Variants in BNC2 observed in about 807,000 individuals in gnomAD.
BNC2 encodes the protein basonuclin zinc finger protein 2, also known as zinc finger protein basonuclin-2.
BNC2 carries 20 observed loss-of-function variants against 76.3 expected under a neutral mutation model. The ratio of observed to expected loss-of-function variants is 0.26; its 90% CI spans 0.18 to 0.38. The LOEUF is 0.38. Ranked by LOEUF, BNC2 falls within the 10% of genes least tolerant of loss-of-function variation. The pLI, the probability that BNC2 is intolerant of heterozygous loss-of-function variation, is 1.00. For synonymous variants in BNC2, 582 were observed against 514.8 expected (o/e 1.13, Z -1.77); for missense variants, 1,382 against 1,399.8 (o/e 0.99, Z 0.20).
At chr9:16,617,027 G>C (rs1362035463) in intron 3 of BNC2, among the ~76,000 whole-genome samples, 1 of 152,132 alleles carries the variant, frequency 6.6e-6, no homozygotes, top group African/African-American at 2.4e-5. Flanking sequence ...AATTACAACA[G>C]GTAATTTGTG....
intron 5 of BNC2, among the ~76,000 whole-genome samples, chr9:16,548,406 T>TCTTCTTCG (rs34876908): frequency 7.0e-6 from 1 of 142,670 alleles, no homozygotes. Flanking sequence ...TTCTTCTTCG[T>TCTTCTTCG]TTTTTTTTTT....
chr9:16,738,233 G>T, intron 2 of BNC2, 127 bp downstream of exon 2: 1 of 1,039,226 alleles, frequency 9.6e-7, no homozygotes, highest in Non-Finnish European at 1.5e-6. Flanking sequence ...TTCATAGAAT[G>T]AGGATAAGTA....
intron 1 of BNC2, among the ~76,000 whole-genome samples, chr9:16,814,264 C>T (rs919443187): frequency 2.6e-5 from 4 of 152,182 alleles, no homozygotes; most frequent in Non-Finnish European, 5.9e-5. Flanking sequence ...TGGGCCAGCA[C>T]GTGAGTGCAC....
Position 16,870,654 on chromosome 9 carries a change from C to G in BNC2, c.-6G>C. On this transcript the variant is annotated 5_prime_UTR_variant, in exon 1 of 7. It removes an upstream start codon present in the reference 5' UTR. Transcript: ENST00000380672. ...GGGTGGAAACTTCTTACCATCTCGG[C>G]ATGCTGGTTGTCAAGTGCAGCCCCC... is the stretch of plus-strand genomic sequence containing the variant. 6.2e-7 allele frequency: 1 copy of G among 1,611,084 alleles called. No individual in the cohort carries two copies. The highest frequency in any genetic ancestry group is 1.1e-5 in the South Asian group (1 of 90,722).
At chr9:16,547,445 CT>C (rs1345117851) in intron 5 of BNC2, among the ~76,000 whole-genome samples, 1 of 152,234 alleles carries the variant, frequency 6.6e-6, no homozygotes, top group East Asian at 1.9e-4. Context: ...ACAGGTTTCC[CT>C]AGCCATTCAC....
chr9:16,539,819 G>GAAAGA (rs1818262807), intron 5 of BNC2, among the ~76,000 whole-genome samples: 1 of 148,596 alleles, frequency 6.7e-6, no homozygotes. Flanking sequence ...GAAAGGAAAG[G>GAAAGA]AAAGGAAAGG....
At chr9:16,845,993 CA>C (rs902745215) in intron 1 of BNC2, among the ~76,000 whole-genome samples, 3 of 151,694 alleles carry the variant, frequency 2.0e-5, no homozygotes, top group East Asian at 2.0e-4. Flanking sequence ...ACTAAAAATA[CA>C]AAAAAATTAG....
chr9:16,447,705 A>G (rs2091030120), intron 5 of BNC2, among the ~76,000 whole-genome samples: 1 of 152,058 alleles, frequency 6.6e-6, no homozygotes, highest in Non-Finnish European at 1.5e-5. Flanking sequence ...AAACTAAGGA[A>G]ACTGCCCAAA....
chr9:16,774,829 C>A (rs1158683158), intron 1 of BNC2, among the ~76,000 whole-genome samples: 1 of 152,172 alleles, frequency 6.6e-6, no homozygotes, highest in South Asian at 2.1e-4. Context: ...GTGCTTTAAG[C>A]CTCTGGATGC....
intron 1 of BNC2, among the ~76,000 whole-genome samples, chr9:16,862,858 G>A (rs369763249): frequency 5.3e-5 from 8 of 151,726 alleles, no homozygotes; most frequent in African/African-American, 1.7e-4. Context: ...CTGTGGGAAG[G>A]TCACCAGCCT....
At chr9:16,723,386 C>T (rs536760943) in intron 3 of BNC2, among the ~76,000 whole-genome samples, 52 of 151,938 alleles carry the variant, frequency 3.4e-4, no homozygotes, top group African/African-American at 8.9e-4. Flanking sequence ...AATAAAAATG[C>T]GTTGTATGAA....
intron 3 of BNC2, among the ~76,000 whole-genome samples, chr9:16,620,254 T>G (rs1419586718): frequency 6.6e-6 from 1 of 152,170 alleles, no homozygotes; most frequent in African/African-American, 2.4e-5. Flanking sequence ...GGTTTAGCCC[T>G]CTCACTGGAA....
chr9:16,596,763 C>A (rs1289388565), intron 3 of BNC2, among the ~76,000 whole-genome samples: 6 of 152,072 alleles, frequency 3.9e-5, no homozygotes, highest in Non-Finnish European at 8.8e-5. Flanking sequence ...GGAGCCTTTA[C>A]CCTGTGATTG....
At chr9:16,495,876 C>T (rs1029682278) in intron 5 of BNC2, among the ~76,000 whole-genome samples, 1 of 151,764 alleles carries the variant, frequency 6.6e-6, no homozygotes, top group African/African-American at 2.4e-5. Context: ...GCTCCTACTA[C>T]AAAATGTTTT....
chr9:16,741,295 A>G (rs2135161777), intron 1 of BNC2, among the ~76,000 whole-genome samples: 1 of 152,156 alleles, frequency 6.6e-6, no homozygotes, highest in African/African-American at 2.4e-5. Context: ...TTCTACTAAA[A>G]ATACAAAATT....
At chr9:16,508,132 C>A (rs1473186520) in intron 5 of BNC2, among the ~76,000 whole-genome samples, 2 of 152,222 alleles carry the variant, frequency 1.3e-5, no homozygotes, top group Non-Finnish European at 2.9e-5. Context: ...AGTTTAAGTA[C>A]TGCAACAAAG....
At chr9:16,504,300 T>C (rs1172193271) in intron 5 of BNC2, among the ~76,000 whole-genome samples, 4 of 116,856 alleles carry the variant, frequency 3.4e-5, no homozygotes, top group African/African-American at 1.9e-4. Flanking sequence ...TGAATACATG[T>C]ATTAATACAT....
intron 4 of BNC2, among the ~76,000 whole-genome samples, chr9:16,578,899 T>C (rs935202941): frequency 1.4e-4 from 21 of 152,156 alleles, no homozygotes; most frequent in African/African-American, 5.1e-4. Context: ...CTGGAGTCCT[T>C]TTACAGAGAC....
intron 1 of BNC2, among the ~76,000 whole-genome samples, chr9:16,770,049 G>C (rs576706538): frequency 6.6e-6 from 1 of 152,260 alleles, no homozygotes; most frequent in East Asian, 1.9e-4. Flanking sequence ...GACCCAAAAT[G>C]AATGTAAGGC....
Sources: allele counts gnomAD v4.1 joint callset (sites outside exome capture counted in the v4.1 genomes callset), GRCh38; gene constraint gnomAD v4.1.1; transcripts MANE v1.5; gene names NCBI Gene and HGNC (gene_info 2026-07-23, HGNC 2026-07-21).